The following PPP2R1A variants were observed in gnomAD, a reference collection of about 807,000 sequenced individuals.
The protein encoded by PPP2R1A is serine/threonine-protein phosphatase 2A 65 kDa regulatory subunit A alpha isoform.
A neutral mutation model predicts 67.1 loss-of-function variants in PPP2R1A; 15 were observed. That is an observed-to-expected ratio of 0.22 (90% CI 0.15 to 0.34). PPP2R1A has a LOEUF of 0.34. PPP2R1A is among the 10% of genes least tolerant of loss of function. PPP2R1A has a pLI of 1.00. For missense variants in PPP2R1A, 369 were observed against 775.0 expected, an observed-to-expected ratio of 0.48 and a Z score of 6.22; for synonymous variants, 337 against 325.0, an observed-to-expected ratio of 1.04 and a Z score of -0.40.
rs1979245542 is a variant in PPP2R1A at position 52,226,116 on chromosome 19, A to G, written c.*135A>G. The G allele has an allele frequency of 2.2e-6, 3 of 1,363,414 alleles. No homozygotes were observed. Among genetic ancestry groups the G allele is most frequent in the Admixed American group, 1.9e-5 (1 of 52,930 alleles). The allele number at this position is 1,363,414 out of a possible 1,614,324, so 84.5% of individuals were successfully genotyped here. On this transcript the variant is annotated 3_prime_UTR_variant, in exon 15 of 15. Coordinates refer to ENST00000322088, the MANE Select transcript of PPP2R1A (RefSeq NM_014225.6). Reference sequence around the variant, plus strand: ...CTGACCCCAGGCCCCTTCCCCCAGCACGGTTCCTCCTCTCCCCAGCCTGGG... The same window carrying G: ...CTGACCCCAGGCCCCTTCCCCCAGCGCGGTTCCTCCTCTCCCCAGCCTGGG...
intron 13 of PPP2R1A, among the ~76,000 whole-genome samples, chr19:52,223,059 A>C (rs1384696541): frequency 6.6e-6 from 1 of 152,228 alleles, no homozygotes; most frequent in East Asian, 1.9e-4. Context: ...CAATAATTAA[A>C]ATAGATGTGA....
intron 1 of PPP2R1A, among the ~76,000 whole-genome samples, chr19:52,198,287 G>A (rs568397101): frequency 6.6e-6 from 1 of 152,312 alleles, no homozygotes; most frequent in Admixed American, 6.5e-5. Flanking sequence ...AAGCATTGAT[G>A]ATGCTGTCTG....
intron 3 of PPP2R1A, among the ~76,000 whole-genome samples, chr19:52,207,559 TGAC>T: frequency 6.6e-6 from 1 of 152,158 alleles, no homozygotes; most frequent in South Asian, 2.1e-4. Context: ...CCGATGTGCC[TGAC>T]GTTCATGTCA....
rs771271451 is a variant in PPP2R1A at position 52,225,826 on chromosome 19, C to G, written c.1753+18C>G. 3.7e-6 allele frequency: 6 copies of G among 1,612,798 alleles called. No individual in the cohort carries two copies. The highest frequency in any genetic ancestry group is 5.1e-6 in the Non-Finnish European group (6 of 1,178,786). The stretch of plus-strand genomic sequence containing the variant: ...TCTGACTGGTAAGACCTAGAAAGCA[C>G]GGAGCCCTAGCAGGAGGGTGGACTT... On this transcript the variant is annotated intron_variant, in intron 14 of 14. Coordinates refer to ENST00000322088, the MANE Select transcript of PPP2R1A (RefSeq NM_014225.6).
At chr19:52,193,426 TA>T (rs1322268396) in intron 1 of PPP2R1A, among the ~76,000 whole-genome samples, 2 of 152,208 alleles carry the variant, frequency 1.3e-5, no homozygotes, top group African/African-American at 2.4e-5. Flanking sequence ...ATACTAGACA[TA>T]CAGTAGGGAA....
intron 9 of PPP2R1A, among the ~76,000 whole-genome samples, chr19:52,218,907 A>ATT (rs1978750611): frequency 6.6e-6 from 1 of 152,226 alleles, no homozygotes; most frequent in Admixed American, 6.5e-5. Context: ...AGAAGAAAAG[A>ATT]ACCAGCATGG....
chr19:52,200,000 A>G (rs1045322934), intron 1 of PPP2R1A, among the ~76,000 whole-genome samples: 5 of 152,234 alleles, frequency 3.3e-5, no homozygotes, highest in Non-Finnish European at 7.3e-5. Flanking sequence ...TCAGATGCTC[A>G]TCGTCTGTGA....
rs372335645 is a variant in PPP2R1A, at chr19:52,213,258, C to A, written c.807+148C>A. On this transcript the variant is annotated intron_variant, in intron 6 of 14. Coordinates refer to ENST00000322088, the MANE Select transcript of PPP2R1A (RefSeq NM_014225.6). This position sits in a 1 kb window ranked among gnomAD's most constrained non-coding sequence, Gnocchi z 4.2. Reference sequence around the variant, plus strand: ...TCTCTATGATCATCTAACTGCGTCTCGCTTCGTGTGCCAATCCTGGTTGAT... The same window carrying A: ...TCTCTATGATCATCTAACTGCGTCTAGCTTCGTGTGCCAATCCTGGTTGAT... 7.5e-6 allele frequency: 8 copies of A among 1,065,112 alleles called. No individual in the cohort carries two copies. In the African/African-American group the frequency reaches 1.3e-4, roughly 17 times the overall value. The allele number at this position is 1,065,112 out of a possible 1,614,324, so 66.0% of individuals were successfully genotyped here. A position where few individuals can be genotyped will look rare whatever the true frequency, so the allele number is the denominator to read the frequency against.
intron 13 of PPP2R1A, among the ~76,000 whole-genome samples, chr19:52,223,482 T>A (rs920459298): frequency 6.6e-6 from 1 of 152,202 alleles, no homozygotes; most frequent in Non-Finnish European, 1.5e-5. Flanking sequence ...TTTTAATATA[T>A]GTTTCTGAGA....
In PPP2R1A at chr19:52,216,541, G is replaced by A. The variant is rs2122350869; in HGVS notation, c.1006G>A (p.Asp336Asn). Reference protein sequence around the residue: ...ILPCIKELVSDANQHVKSALA... With the variant: ...ILPCIKELVSNANQHVKSALA... The stretch of plus-strand genomic sequence containing the variant: ...TTCTCTCTCCCAGGAGCTGGTGTCC[G>A]ATGCCAACCAACATGTCAAGTCTGC... Residue 336 changes from aspartate (D) to asparagine (N), a missense_variant, in exon 9 of 15, where the codon GAT becomes AAT. Around this residue, in one of 2 missense-constraint regions of PPP2R1A, gnomAD observed 276 missense variants for 508.4 expected, o/e 0.54. Transcript: ENST00000322088. The surrounding 1 kb of genome is among the most constrained non-coding windows in gnomAD (Gnocchi z 4.3). The A allele has an allele frequency of 1.9e-6, 3 of 1,614,140 alleles. No homozygotes were observed. Among genetic ancestry groups the A allele is most frequent in the Non-Finnish European group, 8.5e-7 (1 of 1,180,028 alleles).
intron 1 of PPP2R1A, among the ~76,000 whole-genome samples, chr19:52,198,592 C>T (rs976885735): frequency 2.0e-5 from 3 of 152,288 alleles, no homozygotes; most frequent in Middle Eastern, 3.4e-3. Flanking sequence ...GGGGAGCTTT[C>T]GTGCCATCCC....
chr19:52,196,182 GT>G (rs200833870), intron 1 of PPP2R1A, among the ~76,000 whole-genome samples: 10,232 of 152,206 alleles, frequency 0.067, 385 homozygotes, highest in Middle Eastern at 0.12. Flanking sequence ...TTGGGAGATA[GT>G]CAGTGCACAG....
At chr19:52,196,864 C>T (rs1170129773) in intron 1 of PPP2R1A, among the ~76,000 whole-genome samples, 1 of 152,188 alleles carries the variant, frequency 6.6e-6, no homozygotes, top group Non-Finnish European at 1.5e-5. Context: ...AGCTCCATTC[C>T]AGACAGGAAG....
At chr19:52,218,269 A>ATTT (rs1408399776) in intron 9 of PPP2R1A, among the ~76,000 whole-genome samples, 1 of 152,172 alleles carries the variant, frequency 6.6e-6, no homozygotes, top group Non-Finnish European at 1.5e-5. Context: ...ACAGTCTGCT[A>ATTT]GAAAGTTGGA....
Position 52,226,005 on chromosome 19 carries a change from G to A in PPP2R1A, c.*24G>A. On this transcript the variant is annotated 3_prime_UTR_variant, in exon 15 of 15. Coordinates refer to ENST00000322088, the MANE Select transcript of PPP2R1A (RefSeq NM_014225.6). The stretch of plus-strand genomic sequence containing the variant: ...GATGCTGGAAGAGGAGCAAACACTG[G>A]CCTCTGGTGTCCACCCTCCAACCCC... The A allele has an allele frequency of 2.5e-6, 4 of 1,614,176 alleles. 1 individual carries two copies. Among genetic ancestry groups the A allele is most frequent in the South Asian group, 2.2e-5 (2 of 91,078 alleles).
intron 11 of PPP2R1A, among the ~76,000 whole-genome samples, chr19:52,220,529 C>G (rs1241435779): frequency 6.6e-6 from 1 of 152,194 alleles, no homozygotes; most frequent in Non-Finnish European, 1.5e-5. Flanking sequence ...GCTGTCAGAT[C>G]TAAAACAAGT....
chr19:52,226,137 C>A lies in PPP2R1A; in HGVS notation c.*156C>A. ...CAGCACGGTTCCTCCTCTCCCCAGC[C>A]TGGGAAGATGTCTCACTGTCCACCT... On this transcript the variant is annotated 3_prime_UTR_variant, in exon 15 of 15. Coordinates refer to ENST00000322088, the MANE Select transcript of PPP2R1A (RefSeq NM_014225.6). 1.7e-6 allele frequency: 2 copies of A among 1,162,336 alleles called. No individual in the cohort carries two copies. The highest frequency in any genetic ancestry group is 2.5e-6 in the Non-Finnish European group (2 of 810,562). The allele number at this position is 1,162,336 out of a possible 1,614,324, so 72.0% of individuals were successfully genotyped here.
At chr19:52,197,771 T>C (rs960083522) in intron 1 of PPP2R1A, among the ~76,000 whole-genome samples, 5 of 152,286 alleles carry the variant, frequency 3.3e-5, no homozygotes, top group Admixed American at 3.3e-4. Context: ...AATCCTGGCT[T>C]TACTACCAGT....
In PPP2R1A at chr19:52,212,054, G is replaced by A. The variant is rs1202464155; in HGVS notation, c.503+562G>A. On this transcript the variant is annotated intron_variant, in intron 4 of 14. Transcript: ENST00000322088. The surrounding 1 kb of genome is among the most constrained non-coding windows in gnomAD (Gnocchi z 4.1). The stretch of plus-strand genomic sequence containing the variant: ...CTGCTGAAAAATAAAGCCTTTCTGT[G>A]GCTCTAGACCTGCCTCTTAGTTAAG... Among the ~76,000 whole-genome samples the A allele has an allele frequency of 6.6e-6, 1 of 152,206 alleles. No homozygotes were observed. Among genetic ancestry groups the A allele is most frequent in the Non-Finnish European group, 1.5e-5 (1 of 68,050 alleles).
Sources: allele counts gnomAD v4.1 joint callset (sites outside exome capture counted in the v4.1 genomes callset), GRCh38; gene constraint gnomAD v4.1.1; regional missense constraint gnomAD v4.1.1; non-coding constraint Gnocchi (gnomAD v3.1); transcripts MANE v1.5; gene names NCBI Gene and HGNC (gene_info 2026-07-23, HGNC 2026-07-21).